MAML2: variants seen among roughly 807,000 people sequenced by gnomAD.
The protein encoded by MAML2 is mastermind-like protein 2.
A neutral mutation model predicts 96.1 loss-of-function variants in MAML2; 22 were observed. The ratio of observed to expected loss-of-function variants is 0.23; its 90% CI spans 0.16 to 0.33. The LOEUF (loss-of-function observed/expected upper bound fraction) is 0.33. MAML2 is among the 10% of genes least tolerant of loss of function. The pLI, the probability that MAML2 is intolerant of heterozygous loss-of-function variation, is 1.00. For synonymous variants in MAML2, 561 were observed against 521.3 expected, an observed-to-expected ratio of 1.08 and a Z score of -1.04; for missense variants, 1,367 against 1,392.4, an observed-to-expected ratio of 0.98 and a Z score of 0.29.
chr11:96,283,239 G>T (rs1221802447), intron 1 of MAML2, among the ~76,000 whole-genome samples: 1 of 152,136 alleles, frequency 6.6e-6, no homozygotes, highest in Non-Finnish European at 1.5e-5. Flanking sequence ...TACAGACCTT[G>T]CTGTCCACAC....
chr11:96,226,547 C>T (rs1862212190), intron 1 of MAML2, among the ~76,000 whole-genome samples: 1 of 152,008 alleles, frequency 6.6e-6, no homozygotes, highest in African/African-American at 2.4e-5. Context: ...TTTTTTTTCT[C>T]CACATGCCAA....
At position 96,019,673 on chromosome 11, in the gene MAML2, G is replaced by A. The variant is rs74891904; in HGVS notation, c.2140-27950C>T. Among the ~76,000 whole-genome samples, 65 of 12,434 alleles carry A rather than the reference G, an allele frequency of 5.2e-3. 12 individuals carry two copies. The South Asian group carries it at 0.073, about 14-fold the overall frequency. The allele number at this position is 12,434 out of a possible 152,430, so 8.2% of individuals were successfully genotyped here. A position where few individuals can be genotyped will look rare whatever the true frequency, so the allele number is the denominator to read the frequency against. ...TTAGCCATTTCAGCAGCCAAGGGCT[G>A]ATAATAATAATTATAATAATAATAA... On this transcript the variant is annotated intron_variant, in intron 2 of 4. Coordinates refer to ENST00000524717, the MANE Select transcript of MAML2 (RefSeq NM_032427.4).
At chr11:96,008,464 GA>G (rs1858220557) in intron 2 of MAML2, among the ~76,000 whole-genome samples, 1 of 152,122 alleles carries the variant, frequency 6.6e-6, no homozygotes, top group African/African-American at 2.4e-5. Flanking sequence ...TTTGGGACTG[GA>G]ACAACTTTTC....
chr11:96,139,550 T>G (rs1172994885), intron 1 of MAML2, among the ~76,000 whole-genome samples: 1 of 151,784 alleles, frequency 6.6e-6, no homozygotes, highest in Non-Finnish European at 1.5e-5. Context: ...TCCTTTTTTT[T>G]TTTTGATATA....
At chr11:96,101,866 C>A (rs1169017818) in intron 1 of MAML2, among the ~76,000 whole-genome samples, 4 of 152,208 alleles carry the variant, frequency 2.6e-5, no homozygotes, top group Admixed American at 2.0e-4. Flanking sequence ...TTTACCCATT[C>A]ATTCAACAGA....
intron 2 of MAML2, among the ~76,000 whole-genome samples, chr11:96,042,554 G>A (rs924747139): frequency 9.9e-5 from 15 of 152,022 alleles, no homozygotes; most frequent in Non-Finnish European, 2.2e-4. Flanking sequence ...GCTCCCTACC[G>A]TATAAAGTCT....
intron 2 of MAML2, among the ~76,000 whole-genome samples, chr11:96,033,115 T>A (rs1858645945): frequency 1.3e-5 from 2 of 152,196 alleles, no homozygotes. Flanking sequence ...AACTAATACA[T>A]GCTATTTAAG....
chr11:96,162,405 T>C (rs1384186962), intron 1 of MAML2, among the ~76,000 whole-genome samples: 1 of 151,984 alleles, frequency 6.6e-6, no homozygotes, highest in Non-Finnish European at 1.5e-5. Context: ...TAGTAGGTTT[T>C]AGGTATTAGA....
intron 1 of MAML2, among the ~76,000 whole-genome samples, chr11:96,228,078 G>C (rs940018167): frequency 6.6e-6 from 1 of 152,032 alleles, no homozygotes; most frequent in Non-Finnish European, 1.5e-5. Context: ...CTCCAGCCTG[G>C]GGGGAGAAAA....
intron 1 of MAML2, among the ~76,000 whole-genome samples, chr11:96,299,060 A>AATATATATAT (rs1555037073): frequency 6.7e-4 from 38 of 56,320 alleles, no homozygotes; most frequent in African/African-American, 1.8e-3. Flanking sequence ...AAAAAAAAAA[A>AATATATATAT]ATATATATAT....
chr11:96,295,644 T>G (rs184795561), intron 1 of MAML2, among the ~76,000 whole-genome samples: 1 of 151,916 alleles, frequency 6.6e-6, no homozygotes. Flanking sequence ...TTAAACTACA[T>G]TGTGGTTCAA....
At chr11:96,008,747 T>G (rs1188436953) in intron 2 of MAML2, among the ~76,000 whole-genome samples, 1 of 152,204 alleles carries the variant, frequency 6.6e-6, no homozygotes, top group Non-Finnish European at 1.5e-5. Context: ...TTGCTTCATG[T>G]ACATGTTGCC....
chr11:95,988,950 C>A (rs1352446962), intron 3 of MAML2, among the ~76,000 whole-genome samples: 1 of 152,168 alleles, frequency 6.6e-6, no homozygotes, highest in African/African-American at 2.4e-5. Flanking sequence ...TTCAGTTTCT[C>A]CATCTGTAAA....
chr11:96,317,261 T>C (rs562803779), intron 1 of MAML2, among the ~76,000 whole-genome samples: 109 of 152,252 alleles, frequency 7.2e-4, no homozygotes, highest in Non-Finnish European at 1.3e-3. Flanking sequence ...CCTGGAAGCA[T>C]AGATAGCTTT....
intron 4 of MAML2, among the ~76,000 whole-genome samples, chr11:95,985,166 G>T (rs964041230): frequency 3.3e-5 from 5 of 152,186 alleles, no homozygotes; most frequent in African/African-American, 1.2e-4. Flanking sequence ...AAAAGACTAG[G>T]ATTTGTGAAA....
chr11:96,219,248 A>G (rs1238838187), intron 1 of MAML2, among the ~76,000 whole-genome samples: 2 of 152,222 alleles, frequency 1.3e-5, no homozygotes, highest in Non-Finnish European at 2.9e-5. Flanking sequence ...GAGGACAGAG[A>G]TAAAATATGA....
At chr11:96,211,293 G>A (rs534257632) in intron 1 of MAML2, among the ~76,000 whole-genome samples, 55 of 152,140 alleles carry the variant, frequency 3.6e-4, no homozygotes, top group African/African-American at 1.3e-3. Context: ...TCAGTAAATG[G>A]TTATCAAAAA....
At chr11:96,288,358 A>G (rs1194382665) in intron 1 of MAML2, among the ~76,000 whole-genome samples, 2 of 152,128 alleles carry the variant, frequency 1.3e-5, no homozygotes, top group African/African-American at 2.4e-5. Context: ...CCTGGCCAAC[A>G]TGGTGAAACC....
intron 1 of MAML2, among the ~76,000 whole-genome samples, chr11:96,270,507 C>T (rs1303118709): frequency 2.0e-5 from 3 of 152,114 alleles, no homozygotes; most frequent in Non-Finnish European, 2.9e-5. Context: ...TATGGGGTTT[C>T]ACCATGTTGG....
Sources: allele counts gnomAD v4.1 joint callset (sites outside exome capture counted in the v4.1 genomes callset), GRCh38; gene constraint gnomAD v4.1.1; transcripts MANE v1.5; gene names NCBI Gene and HGNC (gene_info 2026-07-23, HGNC 2026-07-21).